JAZF1: variants seen among roughly 807,000 people sequenced by gnomAD.
JAZF1 encodes the protein juxtaposed with another zinc finger protein 1.
Under a neutral mutation model 26.4 loss-of-function variants are expected in JAZF1, and 8 were observed. That is an observed-to-expected ratio of 0.30 (90% CI 0.18 to 0.55). The LOEUF is 0.55. Ranked by LOEUF, JAZF1 falls within the 20% of genes least tolerant of loss-of-function variation. JAZF1 has a pLI of 0.94. For synonymous variants in JAZF1, 126 were observed against 122.3 expected (o/e 1.03, Z -0.20); for missense variants, 199 against 322.0 (o/e 0.62, Z 2.92).
intron 1 of JAZF1, among the ~76,000 whole-genome samples, chr7:28,167,510 CA>C (rs1326048976): frequency 6.6e-6 from 1 of 152,212 alleles, no homozygotes; most frequent in Non-Finnish European, 1.5e-5. Flanking sequence ...GCTATTCTCT[CA>C]ACTTTTCTCG....
At chr7:27,979,677 AC>A (rs1412370686) in intron 2 of JAZF1, among the ~76,000 whole-genome samples, 4 of 152,028 alleles carry the variant, frequency 2.6e-5, no homozygotes, top group African/African-American at 7.2e-5. Flanking sequence ...CTTCTCAGTA[AC>A]CTTTTTATGG....
chr7:27,986,709 G>A (rs1288532124), intron 2 of JAZF1, among the ~76,000 whole-genome samples: 2 of 146,632 alleles, frequency 1.4e-5, no homozygotes, highest in East Asian at 2.1e-4. Flanking sequence ...ATGCCGAGCT[G>A]AGGCTGGACT....
At chr7:27,991,751 A>G (rs1483845887) in intron 2 of JAZF1, among the ~76,000 whole-genome samples, 158 bp downstream of exon 2, 1 of 152,216 alleles carries the variant, frequency 6.6e-6, no homozygotes, top group African/African-American at 2.4e-5. Flanking sequence ...TCCCTAACAA[A>G]GAAACAAGAG....
At chr7:28,179,692 G>A (rs1303236952) in intron 1 of JAZF1, among the ~76,000 whole-genome samples, 3 of 148,324 alleles carry the variant, frequency 2.0e-5, no homozygotes, top group East Asian at 2.0e-4. Flanking sequence ...CCAGGCCGGG[G>A]CAGGGGAGGG....
intron 1 of JAZF1, among the ~76,000 whole-genome samples, chr7:28,119,620 G>A (rs575729529): frequency 2.6e-5 from 4 of 152,000 alleles, no homozygotes; most frequent in East Asian, 3.9e-4. Context: ...ATTTACAATC[G>A]GCTGTCCACA....
chr7:28,085,719 TCA>T (rs1784202707), intron 1 of JAZF1, among the ~76,000 whole-genome samples: 1 of 152,212 alleles, frequency 6.6e-6, no homozygotes, highest in African/African-American at 2.4e-5. Context: ...TAGCCATTAA[TCA>T]CAGAGCCATA....
At chr7:28,038,218 T>C (rs1042791163) in intron 1 of JAZF1, among the ~76,000 whole-genome samples, 1 of 152,136 alleles carries the variant, frequency 6.6e-6, no homozygotes, top group African/African-American at 2.4e-5. Context: ...CATTAACATA[T>C]TATATTAGAG....
At chr7:28,023,878 A>C (rs1783047079) in intron 1 of JAZF1, among the ~76,000 whole-genome samples, 1 of 152,230 alleles carries the variant, frequency 6.6e-6, no homozygotes, top group Non-Finnish European at 1.5e-5. Flanking sequence ...TTAAGAAATG[A>C]GCACCTAGAA....
At chr7:27,930,666 A>T (rs1255328820) in intron 2 of JAZF1, among the ~76,000 whole-genome samples, 1 of 152,200 alleles carries the variant, frequency 6.6e-6, no homozygotes, top group African/African-American at 2.4e-5. Flanking sequence ...CTGTTCAGTT[A>T]TTTTTAGACA....
At chr7:27,864,638 C>T (rs934554440) in intron 3 of JAZF1, among the ~76,000 whole-genome samples, 1 of 152,202 alleles carries the variant, frequency 6.6e-6, no homozygotes, top group African/African-American at 2.4e-5. Context: ...ACCTGAGTAG[C>T]ACCAAGAAAA....
intron 3 of JAZF1, among the ~76,000 whole-genome samples, chr7:27,846,871 T>C (rs571537028): frequency 6.6e-6 from 1 of 152,260 alleles, no homozygotes; most frequent in Non-Finnish European, 1.5e-5. Context: ...ATCAGATATA[T>C]GGTTTGCAAA....
chr7:27,952,410 C>T (rs545806383), intron 2 of JAZF1, among the ~76,000 whole-genome samples: 1 of 152,366 alleles, frequency 6.6e-6, no homozygotes, highest in South Asian at 2.1e-4. Flanking sequence ...TCACCAATGT[C>T]AATAGGGGAC....
At chr7:27,886,291 C>G (rs2128340401) in intron 3 of JAZF1, among the ~76,000 whole-genome samples, 1 of 152,274 alleles carries the variant, frequency 6.6e-6, no homozygotes, top group African/African-American at 2.4e-5. Context: ...GATCGAGACC[C>G]CTTTGGTGTC....
chr7:28,144,080 T>C (rs77735660), intron 1 of JAZF1, among the ~76,000 whole-genome samples: 111 of 152,282 alleles, frequency 7.3e-4, no homozygotes, highest in African/African-American at 2.6e-3. Context: ...GGTTCTGCAT[T>C]TGTAGCATGT....
At chr7:27,899,966 C>T (rs539474512) in intron 2 of JAZF1, among the ~76,000 whole-genome samples, 7 of 152,136 alleles carry the variant, frequency 4.6e-5, no homozygotes, top group Non-Finnish European at 1.0e-4. Flanking sequence ...ACTCCTCTGG[C>T]GGTTTACATG....
At chr7:27,989,049 C>A (rs1444222507) in intron 2 of JAZF1, among the ~76,000 whole-genome samples, 1 of 151,730 alleles carries the variant, frequency 6.6e-6, no homozygotes, top group Non-Finnish European at 1.5e-5. Context: ...TACTACAAGG[C>A]TACAGTAACC....
chr7:28,157,193 C>T (rs1562606393), intron 1 of JAZF1, among the ~76,000 whole-genome samples: 1 of 152,206 alleles, frequency 6.6e-6, no homozygotes, highest in African/African-American at 2.4e-5. Flanking sequence ...TCAGCACCCC[C>T]ACAGCTAGGT....
chr7:28,018,939 C>T (rs1032073262), intron 1 of JAZF1, among the ~76,000 whole-genome samples: 6 of 152,192 alleles, frequency 3.9e-5, no homozygotes, highest in Non-Finnish European at 5.9e-5. Context: ...AAGGGCCAGT[C>T]ATTGCTGTCT....
At chr7:28,168,484 G>A (rs541151509) in intron 1 of JAZF1, among the ~76,000 whole-genome samples, 1 of 151,306 alleles carries the variant, frequency 6.6e-6, no homozygotes, top group Admixed American at 6.6e-5. Flanking sequence ...TGCCAACAAA[G>A]GGCCTGTACT....
Sources: allele counts gnomAD v4.1 joint callset (sites outside exome capture counted in the v4.1 genomes callset), GRCh38; gene constraint gnomAD v4.1.1; transcripts MANE v1.5; gene names NCBI Gene and HGNC (gene_info 2026-07-23, HGNC 2026-07-21).